SLF1: variants seen among roughly 807,000 people sequenced by gnomAD.
SLF1 encodes the protein SMC5/6 complex localization factor 1.
SLF1 carries 105 observed loss-of-function variants against 123.0 expected under a neutral mutation model. The observed-to-expected ratio is 0.85, with a 90% CI of 0.73 to 1.00. The LOEUF (loss-of-function observed/expected upper bound fraction) is 1.00, where lower values mean the gene tolerates loss of function less well. SLF1 is among the 50% of genes least tolerant of loss of function. SLF1 has a pLI of 0.00. For missense variants in SLF1, 1,239 were observed against 1,223.0 expected (o/e 1.01, Z -0.20); for synonymous variants, 434 against 406.6 (o/e 1.07, Z -0.81).
At chr5:94,625,234 A>T (rs2152463242) in intron 1 of SLF1, among the ~76,000 whole-genome samples, 1 of 151,842 alleles carries the variant, frequency 6.6e-6, no homozygotes, top group African/African-American at 2.4e-5. Flanking sequence ...AAACTCTTGT[A>T]TTCTACTGAT....
intron 4 of SLF1, among the ~76,000 whole-genome samples, chr5:94,640,325 G>A (rs1342549558): frequency 5.3e-5 from 8 of 151,706 alleles, no homozygotes; most frequent in Admixed American, 5.2e-4. Context: ...CTTTCTTCTG[G>A]CTTACATAGT....
chr5:94,686,390 T>C (rs1187429744), intron 15 of SLF1, among the ~76,000 whole-genome samples, 183 bp from the exon 16 acceptor site: 1 of 152,184 alleles, frequency 6.6e-6, no homozygotes, highest in East Asian at 1.9e-4. Flanking sequence ...CCATTAAATA[T>C]TTTCTCTTAA....
intron 15 of SLF1, among the ~76,000 whole-genome samples, chr5:94,685,981 TTTC>T (rs1561474982): frequency 1.3e-5 from 2 of 152,186 alleles, no homozygotes; most frequent in South Asian, 4.1e-4. Flanking sequence ...GTTTCATGTT[TTTC>T]TTCTTTACCT....
Position 94,649,595 on chromosome 5 carries a change from C to A in SLF1, c.736C>A (p.Gln246Lys). The A allele has an allele frequency of 1.4e-6, 2 of 1,467,458 alleles. No homozygotes were observed. The highest frequency in any genetic ancestry group is 2.8e-5 in the South Asian group (2 of 71,956). The allele number at this position is 1,467,458 out of a possible 1,614,324, so 90.9% of individuals were successfully genotyped here. Residue 246 changes from glutamine to lysine, a missense_variant and splice_region_variant, in exon 6 of 21, where the codon CAG (glutamine) becomes AAG (lysine). By Grantham distance (53) the Gln-to-Lys change is moderately conservative. Transcript: ENST00000265140. ...CTTAAGAGAGACCATGTATAGAACC[C>A]AGGTAAACTTTATAGGCTGAAAAAC... ...GALRETMYRTQKEMQNHEDVN... is the reference protein window; with the variant it reads ...GALRETMYRTKKEMQNHEDVN...
At chr5:94,629,931 G>A (rs1745022324) in intron 3 of SLF1, among the ~76,000 whole-genome samples, 1 of 152,032 alleles carries the variant, frequency 6.6e-6, no homozygotes, top group Non-Finnish European at 1.5e-5. Flanking sequence ...GATCACTTGT[G>A]CCAAGGAGTT....
chr5:94,663,420 G>T (rs1322883187), intron 10 of SLF1, among the ~76,000 whole-genome samples: 1 of 152,214 alleles, frequency 6.6e-6, no homozygotes, highest in Non-Finnish European at 1.5e-5. Context: ...AAGGCAAGTG[G>T]ATCACCTGAG....
In SLF1 at chr5:94,618,723, TGCC is replaced by T. The variant is rs1206475453; in HGVS notation, c.-37_-35del. ...GTGCTGCAGCGGCAGTCGTCGCCCC[TGCC>T]GCCGCTGCCACCGAAGGAAGCATCC... On this transcript the variant is annotated 5_prime_UTR_variant, in exon 1 of 21. Coordinates refer to ENST00000265140, the MANE Select transcript of SLF1 (RefSeq NM_032290.4). 6.5e-6 allele frequency: 1 copy of T among 154,792 alleles called. No homozygotes were observed. The highest frequency in any genetic ancestry group is 6.5e-5 in the Admixed American group (1 of 15,282). 9.6% of individuals were successfully genotyped at this position (154,792 alleles called of 1,614,324 possible).
At position 94,665,038 on chromosome 5, in the gene SLF1, ATAAT is replaced by A. The variant is rs1177896066; in HGVS notation, c.1369-818_1369-815del. Among the ~76,000 whole-genome samples, 5 of 152,356 alleles carry A rather than the reference ATAAT, an allele frequency of 3.3e-5. No homozygotes were observed. In the East Asian group the frequency reaches 9.6e-4, roughly 29 times the overall value. On this transcript the variant is annotated intron_variant, in intron 11 of 20. Transcript: ENST00000265140. ...CCTTCACTACTGAAGGCAATAGAAA[ATAAT>A]TAATACAATAACTAATAAGATACAG...
intron 1 of SLF1, among the ~76,000 whole-genome samples, chr5:94,627,611 T>TATAC (rs1744652309): frequency 1.5e-5 from 2 of 137,908 alleles, no homozygotes; most frequent in East Asian, 2.3e-4. Flanking sequence ...TATATATATA[T>TATAC]ATATATATAG....
At chr5:94,660,379 G>A (rs992610125) in intron 9 of SLF1, among the ~76,000 whole-genome samples, 6 of 152,208 alleles carry the variant, frequency 3.9e-5, no homozygotes, top group Non-Finnish European at 8.8e-5. Context: ...AGGTAGGCCT[G>A]TTATCAGGCC....
At chr5:94,645,805 G>C (rs974871747) in intron 5 of SLF1, among the ~76,000 whole-genome samples, 5 of 152,272 alleles carry the variant, frequency 3.3e-5, no homozygotes, top group Middle Eastern at 3.4e-3. Flanking sequence ...AAATAAGGAA[G>C]GCATATTGTG....
chr5:94,690,932 CTGTGTGTGTG>C (rs3084537), intron 18 of SLF1, among the ~76,000 whole-genome samples: 4 of 144,680 alleles, frequency 2.8e-5, no homozygotes, highest in African/African-American at 1.0e-4. Flanking sequence ...GTGTGTGTGT[CTGTGTGTGTG>C]TGTGTGTGTG....
chr5:94,692,294 T>C, intron 20 of SLF1, 38 bp downstream of exon 20: 1 of 1,587,906 alleles, frequency 6.3e-7, no homozygotes, highest in Non-Finnish European at 8.6e-7. Flanking sequence ...TGATAAATTA[T>C]CCAGTTTTTT....
At chr5:94,654,067 G>A (rs867325506) in intron 8 of SLF1, among the ~76,000 whole-genome samples, 1 of 152,094 alleles carries the variant, frequency 6.6e-6, no homozygotes, top group African/African-American at 2.4e-5. Flanking sequence ...CTGCTTGGGA[G>A]GCTGAAGTGG....
intron 15 of SLF1, among the ~76,000 whole-genome samples, chr5:94,684,030 T>C (rs913842260): frequency 6.6e-6 from 1 of 152,248 alleles, no homozygotes; most frequent in African/African-American, 2.4e-5. Context: ...TGTGGCCTGG[T>C]AATATGTCGA....
intron 9 of SLF1, among the ~76,000 whole-genome samples, chr5:94,657,212 TG>T (rs1748511269): frequency 6.6e-6 from 1 of 151,946 alleles, no homozygotes; most frequent in Non-Finnish European, 1.5e-5. Context: ...GCACTGCTTT[TG>T]CTGTATTCTA....
intron 4 of SLF1, among the ~76,000 whole-genome samples, chr5:94,640,845 A>G (rs939861456): frequency 4.6e-5 from 7 of 152,128 alleles, no homozygotes; most frequent in African/African-American, 9.7e-5. Context: ...TTCTTCAAGT[A>G]TGTTGTCCAC....
At chr5:94,676,485 G>A (rs979611329) in intron 14 of SLF1, among the ~76,000 whole-genome samples, 7 of 152,190 alleles carry the variant, frequency 4.6e-5, no homozygotes, top group Non-Finnish European at 1.0e-4. Context: ...TCCTATCAAG[G>A]CAGGAGACTG....
At chr5:94,633,477 T>G (rs1745431219) in intron 4 of SLF1, among the ~76,000 whole-genome samples, 1 of 152,228 alleles carries the variant, frequency 6.6e-6, no homozygotes. Flanking sequence ...TGATATTTAA[T>G]GGTGAAAGAT....
Sources: gnomAD v4.1 joint callset for allele counts (sites outside exome capture counted in the v4.1 genomes callset) on GRCh38, gnomAD v4.1.1 for gene constraint, MANE v1.5 for transcripts, NCBI Gene and HGNC (gene_info 2026-07-23, HGNC 2026-07-21) for gene names.